The following RNFT2 variants were observed in gnomAD, a reference collection of about 807,000 sequenced individuals.
The protein encoded by RNFT2 is E3 ubiquitin-protein ligase RNFT2.
In RNFT2, 36 loss-of-function variants were observed where a neutral mutation model predicts 53.0. The ratio of observed to expected loss-of-function variants is 0.68; its 90% CI spans 0.52 to 0.90. RNFT2 has a LOEUF of 0.90. RNFT2 is among the 40% of genes least tolerant of loss of function. RNFT2 has a pLI of 0.00. For synonymous variants in RNFT2, 260 were observed against 253.2 expected, an observed-to-expected ratio of 1.03 and a Z score of -0.26; for missense variants, 514 against 585.6, an observed-to-expected ratio of 0.88 and a Z score of 1.26.
chr12:116,833,729 C>T (rs548630309), intron 7 of RNFT2, 63 bp from the exon 8 acceptor site: 1 of 1,590,010 alleles, frequency 6.3e-7, no homozygotes, highest in African/African-American at 1.4e-5. Flanking sequence ...GCGGGGGGCC[C>T]CCCAGCTGGG....
intron 7 of RNFT2, among the ~76,000 whole-genome samples, chr12:116,783,510 G>T (rs1294368063): frequency 6.6e-6 from 1 of 152,222 alleles, no homozygotes; most frequent in Non-Finnish European, 1.5e-5. Flanking sequence ...CAGCTGCCTC[G>T]TCAAGGTGGA....
chr12:116,805,938 A>G (rs1495933), intron 7 of RNFT2, among the ~76,000 whole-genome samples: 127,282 of 152,230 alleles, frequency 0.84, 53,982 homozygotes, highest in Non-Finnish European at 0.91. Flanking sequence ...ACAAAATGCC[A>G]TCACAGCAAA....
rs780503951 is a variant in RNFT2 at position 116,754,174 on chromosome 12, C to A, written c.627+114C>A. On this transcript the variant is annotated intron_variant, in intron 5 of 10. Coordinates refer to ENST00000257575, the MANE Select transcript of RNFT2 (RefSeq NM_001382266.1). ...TCATTGTATCATTCTTATGCCTTTG[C>A]GTCCTCATAGCTTAACTCCCACATA... The A allele has an allele frequency of 3.0e-5, 24 of 803,122 alleles. No individual in the cohort carries two copies. The African/African-American group carries it at 3.4e-4, about 11-fold the overall frequency. The allele number at this position is 803,122 out of a possible 1,614,324, so 49.7% of individuals were successfully genotyped here.
In RNFT2 at chr12:116,836,014, T is replaced by C; in HGVS notation, c.1087T>C (p.Cys363Arg). The C allele has an allele frequency of 6.2e-7, 1 of 1,614,058 alleles. No individual in the cohort carries two copies. Among genetic ancestry groups the C allele is most frequent in the Non-Finnish European group, 8.5e-7 (1 of 1,179,900 alleles). The stretch of plus-strand genomic sequence containing the variant: ...AGTTAGGAAAGCCCTGAAGCTTCTC[T>C]GTACCTCTCAGGTGAGTTGGCTTCA... ...GGVRKALKLLCTSQNYGVRAT... is the reference protein window; with the variant it reads ...GGVRKALKLLRTSQNYGVRAT... Residue 363 changes from cysteine (C) to arginine (R), a missense_variant, in exon 9 of 11, where the codon TGT becomes CGT. Physicochemically the swap from Cys to Arg is radical, Grantham distance 180. Transcript: ENST00000257575.
At position 116,776,791 on chromosome 12, in the gene RNFT2, G is replaced by A. The variant is rs1387203971; in HGVS notation, c.729-2404G>A. ...TTGCCCAGAGCCTGTAATCCAGTGG[G>A]AAGAAAGGAGAGGGACCAGCGTGGG... On this transcript the variant is annotated intron_variant, in intron 6 of 10. Transcript: ENST00000257575. Among the ~76,000 whole-genome samples the A allele has an allele frequency of 2.6e-5, 4 of 152,082 alleles. No homozygotes were observed. The South Asian group carries it at 8.3e-4, about 31-fold the overall frequency.
intron 7 of RNFT2, among the ~76,000 whole-genome samples, chr12:116,829,928 C>A (rs903403315): frequency 1.3e-5 from 2 of 151,882 alleles, no homozygotes; most frequent in Non-Finnish European, 2.9e-5. Context: ...TATAAAAAAT[C>A]TGGAGAGAGC....
chr12:116,767,029 C>G (rs1036144987), intron 6 of RNFT2, 115 bp downstream of exon 6: 1 of 667,766 alleles, frequency 1.5e-6, no homozygotes, highest in South Asian at 1.9e-5. Flanking sequence ...TTGTAACTTC[C>G]AAATTCCACC....
intron 7 of RNFT2, among the ~76,000 whole-genome samples, chr12:116,787,700 G>A (rs549131709): frequency 3.5e-5 from 5 of 144,720 alleles, no homozygotes; most frequent in Admixed American, 2.2e-4. Flanking sequence ...GCAATAGAGG[G>A]ACATGTTGTC....
At chr12:116,781,055 C>A (rs572703608) in intron 7 of RNFT2, among the ~76,000 whole-genome samples, 29 of 152,306 alleles carry the variant, frequency 1.9e-4, no homozygotes, top group Admixed American at 1.6e-3. Context: ...TGCTTTGCTC[C>A]ACGCTCTGCA....
intron 10 of RNFT2, among the ~76,000 whole-genome samples, chr12:116,846,459 T>C (rs1183150129): frequency 2.0e-5 from 3 of 149,598 alleles, no homozygotes; most frequent in Non-Finnish European, 4.5e-5. Flanking sequence ...TGTAGAGACA[T>C]ATGGGGCATG....
chr12:116,797,527 CCTGT>C (rs200800488), intron 7 of RNFT2, among the ~76,000 whole-genome samples: 2,768 of 150,872 alleles, frequency 0.018, 84 homozygotes, highest in African/African-American at 0.063. Flanking sequence ...TGCACTCCAG[CCTGT>C]CTATCTCAAA....
chr12:116,851,984 C>T lies in RNFT2; in HGVS notation c.*2536C>T. 1.3e-6 allele frequency: 2 copies of T among 1,489,844 alleles called. No individual in the cohort carries two copies. Among genetic ancestry groups the T allele is most frequent in the Non-Finnish European group, 1.8e-6 (2 of 1,125,596 alleles). The allele number at this position is 1,489,844 out of a possible 1,614,324, so 92.3% of individuals were successfully genotyped here. ...AGGACAACCTATGTTATGGATGTTTCCACCAACCAGGGTAGTGGCATGGAG... is the reference window on the plus strand; with the variant it reads ...AGGACAACCTATGTTATGGATGTTTTCACCAACCAGGGTAGTGGCATGGAG... On this transcript the variant is annotated 3_prime_UTR_variant, in exon 11 of 11. Coordinates refer to ENST00000257575, the MANE Select transcript of RNFT2 (RefSeq NM_001382266.1).
At chr12:116,842,018 C>CT (rs1877367659) in intron 10 of RNFT2, among the ~76,000 whole-genome samples, 1 of 143,206 alleles carries the variant, frequency 7.0e-6, no homozygotes, top group Non-Finnish European at 1.5e-5. Flanking sequence ...GCTGTGTCCT[C>CT]TGCCACAGGG....
chr12:116,831,338 T>C (rs1397814639), intron 7 of RNFT2, among the ~76,000 whole-genome samples: 3 of 152,210 alleles, frequency 2.0e-5, no homozygotes, highest in Non-Finnish European at 2.9e-5. Context: ...CAGGACATCA[T>C]GTCAGAGGGT....
At chr12:116,833,374 C>T (rs557984800) in intron 7 of RNFT2, among the ~76,000 whole-genome samples, 4 of 152,348 alleles carry the variant, frequency 2.6e-5, no homozygotes, top group South Asian at 4.1e-4. Context: ...TGAGAGCAGT[C>T]GCCTGTGATG....
At position 116,849,761 on chromosome 12, in the gene RNFT2, G is replaced by T; in HGVS notation, c.*313G>T. ...CTGGCAATACATGAAGTTCCCACTT[G>T]TTGGTTATTTTCTCTTTCTTTTTTC... On this transcript the variant is annotated 3_prime_UTR_variant, in exon 11 of 11. Transcript: ENST00000257575. The T allele has an allele frequency of 5.3e-6, 6 of 1,139,758 alleles. No homozygotes were observed. Among genetic ancestry groups the T allele is most frequent in the Non-Finnish European group, 6.5e-6 (6 of 929,062 alleles). 70.6% of individuals were successfully genotyped at this position (1,139,758 alleles called of 1,614,324 possible).
At chr12:116,826,561 G>A (rs151250849) in intron 7 of RNFT2, among the ~76,000 whole-genome samples, 1 of 152,270 alleles carries the variant, frequency 6.6e-6, no homozygotes, top group African/African-American at 2.4e-5. Context: ...AGTTTTCCTT[G>A]GTGGTTTGAT....
At chr12:116,793,991 T>A (rs1203022866) in intron 7 of RNFT2, among the ~76,000 whole-genome samples, 1 of 152,128 alleles carries the variant, frequency 6.6e-6, no homozygotes, top group Non-Finnish European at 1.5e-5. Flanking sequence ...TTTCTCTGGG[T>A]GCTGTGGCTC....
chr12:116,849,765 GTTA>G lies in RNFT2; in HGVS notation c.*320_*322del. On this transcript the variant is annotated 3_prime_UTR_variant, in exon 11 of 11. Coordinates refer to ENST00000257575, the MANE Select transcript of RNFT2 (RefSeq NM_001382266.1). ...CAATACATGAAGTTCCCACTTGTTG[GTTA>G]TTTTCTCTTTCTTTTTTCTTTTCTT... 3 of 1,138,746 alleles carry G rather than the reference GTTA, an allele frequency of 2.6e-6. No individual in the cohort carries two copies. The highest frequency in any genetic ancestry group is 3.2e-6 in the Non-Finnish European group (3 of 928,126). The allele number at this position is 1,138,746 out of a possible 1,614,324, so 70.5% of individuals were successfully genotyped here. A position where few individuals can be genotyped will look rare whatever the true frequency, so the allele number is the denominator to read the frequency against.
Sources: gnomAD v4.1 joint callset for allele counts (sites outside exome capture counted in the v4.1 genomes callset) on GRCh38, gnomAD v4.1.1 for gene constraint, MANE v1.5 for transcripts, NCBI Gene and HGNC (gene_info 2026-07-23, HGNC 2026-07-21) for gene names.